Variants in GOLPH3 observed in about 807,000 individuals in gnomAD.
GOLPH3 encodes the protein golgi phosphoprotein 3, also known as coat protein GPP34.
A neutral mutation model predicts 28.5 loss-of-function variants in GOLPH3; 14 were observed. That is an observed-to-expected ratio of 0.49 (90% confidence interval 0.32 to 0.77). The LOEUF is 0.77. Among genes scored for constraint, GOLPH3 ranks in the 30% least tolerant of loss-of-function variants. The probability of loss-of-function intolerance (pLI) is 0.03; values close to 1 mark genes in which losing one functional copy is unlikely to be tolerated. For missense variants in GOLPH3, 350 were observed against 393.7 expected, an observed-to-expected ratio of 0.89 and a Z score of 0.94; for synonymous variants, 158 against 159.2, an observed-to-expected ratio of 0.99 and a Z score of 0.06.
At chr5:32,138,978 A>G (rs1365197210) in intron 2 of GOLPH3, among the ~76,000 whole-genome samples, 2 of 152,220 alleles carry the variant, frequency 1.3e-5, no homozygotes, top group Non-Finnish European at 2.9e-5. Flanking sequence ...CTCATTCTTT[A>G]TATTTATTGC....
At chr5:32,173,731 T>A (rs1746905615) in intron 1 of GOLPH3, 79 bp downstream of exon 1, 2 of 1,051,794 alleles carry the variant, frequency 1.9e-6, no homozygotes, top group Admixed American at 8.8e-5. Flanking sequence ...CCTCGGGCGC[T>A]CACCTGGCAC....
intron 2 of GOLPH3, among the ~76,000 whole-genome samples, chr5:32,143,148 T>G (rs1746118432): frequency 6.6e-6 from 1 of 152,220 alleles, no homozygotes; most frequent in Admixed American, 6.5e-5. Context: ...TCGGTGACCT[T>G]AAACCCAACC....
At chr5:32,137,215 T>A (rs951166830) in intron 2 of GOLPH3, among the ~76,000 whole-genome samples, 4 of 151,644 alleles carry the variant, frequency 2.6e-5, no homozygotes, top group Non-Finnish European at 5.9e-5. Context: ...CACCTCGGCC[T>A]CCCAAAGTGC....
intron 3 of GOLPH3, chr5:32,134,715 T>A (rs991867318): frequency 6.6e-6 from 1 of 152,078 alleles, no homozygotes; most frequent in African/African-American, 2.4e-5. Context: ...GAAAAATATT[T>A]ATGTATACAT....
At chr5:32,158,585 T>C (rs1284128384) in intron 1 of GOLPH3, among the ~76,000 whole-genome samples, 2 of 152,096 alleles carry the variant, frequency 1.3e-5, no homozygotes, top group East Asian at 3.9e-4. Flanking sequence ...CCACTACTCC[T>C]CACTCTTCCT....
chr5:32,153,079 C>T (rs375683974), intron 1 of GOLPH3, among the ~76,000 whole-genome samples: 13 of 152,068 alleles, frequency 8.5e-5, no homozygotes, highest in African/African-American at 2.9e-4. Context: ...ACCCATAAAT[C>T]CATCAATAAG....
At chr5:32,152,123 T>C (rs1450767439) in intron 1 of GOLPH3, among the ~76,000 whole-genome samples, 1 of 151,690 alleles carries the variant, frequency 6.6e-6, no homozygotes, top group Admixed American at 6.6e-5. Context: ...TATGCATATT[T>C]TACCTTTTTT....
At chr5:32,129,593 A>G (rs1158386758) in intron 3 of GOLPH3, among the ~76,000 whole-genome samples, 1 of 152,202 alleles carries the variant, frequency 6.6e-6, no homozygotes, top group Non-Finnish European at 1.5e-5. Context: ...ATAGGGCCAT[A>G]AGAACAAAAT....
rs1263261485 is a variant in GOLPH3, at chr5:32,125,091, T to C, written c.*1121A>G. 1.3e-5 allele frequency: 2 copies of C among 152,624 alleles called. No individual in the cohort carries two copies. The highest frequency in any genetic ancestry group is 2.4e-5 in the African/African-American group (1 of 41,446). 9.5% of individuals were successfully genotyped at this position (152,624 alleles called of 1,614,324 possible). A position where few individuals can be genotyped will look rare whatever the true frequency, so the allele number is the denominator to read the frequency against. ...AACATAGAGCTTTCTGTTACAAAAT[T>C]CTTAATCCTCTGGGTTGTAATCATT... On this transcript the variant is annotated 3_prime_UTR_variant, in exon 4 of 4. Transcript: ENST00000265070.
intron 1 of GOLPH3, among the ~76,000 whole-genome samples, chr5:32,156,921 C>T (rs746542677): frequency 5.9e-4 from 90 of 152,090 alleles, no homozygotes; most frequent in Non-Finnish European, 9.6e-4. Flanking sequence ...TTACAGCAGC[C>T]CAAATAAACT....
chr5:32,165,377 G>GT (rs1218309948), intron 1 of GOLPH3, among the ~76,000 whole-genome samples: 2 of 152,074 alleles, frequency 1.3e-5, no homozygotes, highest in African/African-American at 4.8e-5. Flanking sequence ...GAGGTCATGA[G>GT]TTTGAGACCA....
intron 3 of GOLPH3, among the ~76,000 whole-genome samples, chr5:32,131,472 T>C (rs370607740): frequency 3.3e-5 from 5 of 152,248 alleles, no homozygotes; most frequent in African/African-American, 1.2e-4. Context: ...AAGATTTAGC[T>C]ACTTCAATTT....
chr5:32,151,740 C>T (rs1237261153), intron 1 of GOLPH3, among the ~76,000 whole-genome samples: 5 of 152,032 alleles, frequency 3.3e-5, no homozygotes, highest in African/African-American at 1.2e-4. Context: ...TATATGCATA[C>T]AAGAAAACAG....
intron 3 of GOLPH3, 30 bp downstream of exon 3, chr5:32,135,542 T>A (rs368267596): frequency 7.8e-7 from 1 of 1,279,206 alleles, no homozygotes; most frequent in South Asian, 1.2e-5. Flanking sequence ...TAAACAGAAG[T>A]TGGTTTTTGG....
intron 1 of GOLPH3, among the ~76,000 whole-genome samples, chr5:32,167,098 A>C (rs1307679884): frequency 6.6e-6 from 1 of 152,178 alleles, no homozygotes; most frequent in East Asian, 1.9e-4. Context: ...ATAAAAGTGT[A>C]TTTCTTTAAA....
At chr5:32,136,733 C>T (rs903237632) in intron 2 of GOLPH3, among the ~76,000 whole-genome samples, 1 of 152,176 alleles carries the variant, frequency 6.6e-6, no homozygotes, top group Non-Finnish European at 1.5e-5. Context: ...TTGGAACATT[C>T]TGGATTTTAA....
At chr5:32,141,557 C>G (rs1343960179) in intron 2 of GOLPH3, among the ~76,000 whole-genome samples, 3 of 149,112 alleles carry the variant, frequency 2.0e-5, no homozygotes, top group Non-Finnish European at 4.5e-5. Flanking sequence ...AAAATTATGG[C>G]TTTTAAAAGC....
chr5:32,162,571 C>T (rs934962334), intron 1 of GOLPH3, among the ~76,000 whole-genome samples: 5 of 151,930 alleles, frequency 3.3e-5, no homozygotes, highest in African/African-American at 1.2e-4. Context: ...TTCAGTAAGC[C>T]CAGCATATAA....
intron 1 of GOLPH3, among the ~76,000 whole-genome samples, chr5:32,167,164 A>G (rs1259172222): frequency 6.6e-6 from 1 of 152,130 alleles, no homozygotes; most frequent in African/African-American, 2.4e-5. Context: ...TCAAAATACA[A>G]TTCTTTTGTT....
Sources: gnomAD v4.1 joint callset for allele counts (sites outside exome capture counted in the v4.1 genomes callset) on GRCh38, gnomAD v4.1.1 for gene constraint, MANE v1.5 for transcripts, NCBI Gene and HGNC (gene_info 2026-07-23, HGNC 2026-07-21) for gene names.